The following OTOF variants were observed in gnomAD, a reference collection of about 807,000 sequenced individuals.
OTOF encodes the protein otoferlin, also known as fer-1-like family member 2.
Under a neutral mutation model 236.8 loss-of-function variants are expected in OTOF, and 218 were observed. The ratio of observed to expected loss-of-function variants is 0.92; its 90% CI spans 0.82 to 1.03. The LOEUF (loss-of-function observed/expected upper bound fraction) is 1.03. Among genes scored for constraint, OTOF ranks in the 50% least tolerant of loss-of-function variants. The pLI is 0.00. For synonymous variants in OTOF, 1,041 were observed against 1,072.5 expected (o/e 0.97, Z 0.57); for missense variants, 2,590 against 2,694.4 (o/e 0.96, Z 0.86).
At chr2:26,508,230 T>C (rs942410412) in intron 5 of OTOF, among the ~76,000 whole-genome samples, 4 of 152,214 alleles carry the variant, frequency 2.6e-5, no homozygotes, top group African/African-American at 9.6e-5. Flanking sequence ...CTGTGGTCCT[T>C]CTTTGCATTG....
chr2:26,496,237 C>CTT (rs397939432), intron 8 of OTOF, among the ~76,000 whole-genome samples: 1,939 of 140,360 alleles, frequency 0.014, 70 homozygotes, highest in African/African-American at 0.045. Context: ...TGATTAATGG[C>CTT]TTTTTTTTTT....
chr2:26,544,059 A>G (rs911743804), intron 1 of OTOF, among the ~76,000 whole-genome samples: 2 of 152,252 alleles, frequency 1.3e-5, no homozygotes, highest in Non-Finnish European at 2.9e-5. Context: ...TGCTAAATAT[A>G]AAAATGGCTT....
Position 26,501,740 on chromosome 2 carries a change from A to G in OTOF, c.765+14T>C. The G allele has an allele frequency of 1.9e-6, 3 of 1,602,298 alleles. No homozygotes were observed. The highest frequency in any genetic ancestry group is 2.6e-6 in the Non-Finnish European group (3 of 1,169,164). On this transcript the variant is annotated intron_variant, in intron 8 of 46. Coordinates refer to ENST00000272371, the MANE Select transcript of OTOF (RefSeq NM_194248.3). ...AGAGTCTGAAAGACATGAGGCCTCC[A>G]GGTGCCCACCTACCTGGTAATCCAT...
intron 3 of OTOF, among the ~76,000 whole-genome samples, chr2:26,520,848 A>G (rs145872354): frequency 2.0e-4 from 31 of 152,296 alleles, no homozygotes; most frequent in African/African-American, 7.2e-4. Context: ...TTTTTGTTCT[A>G]AATCAGTGGT....
At chr2:26,518,870 T>C in intron 4 of OTOF, 140 bp downstream of exon 4, 1 of 716,414 alleles carries the variant, frequency 1.4e-6, no homozygotes. Flanking sequence ...CAGCAGAGTC[T>C]GACCTGAGTC....
At chr2:26,546,674 A>G (rs1363009437) in intron 1 of OTOF, among the ~76,000 whole-genome samples, 18 of 150,940 alleles carry the variant, frequency 1.2e-4, no homozygotes, top group Admixed American at 1.2e-3. Flanking sequence ...TCTATAGATC[A>G]TTTTGTGGAG....
At chr2:26,480,473 G>A (rs1248523875) in intron 15 of OTOF, among the ~76,000 whole-genome samples, 162 bp from the exon 16 acceptor site, 2 of 152,228 alleles carry the variant, frequency 1.3e-5, no homozygotes, top group Non-Finnish European at 2.9e-5. Context: ...CCCCCAGCCT[G>A]GATATCCATG....
intron 1 of OTOF, among the ~76,000 whole-genome samples, chr2:26,542,093 C>T (rs539221753): frequency 2.0e-5 from 3 of 152,242 alleles, no homozygotes; most frequent in Non-Finnish European, 4.4e-5. Flanking sequence ...CAAATGGAGA[C>T]GAGCTCAGTG....
At chr2:26,474,185 A>G in intron 26 of OTOF, 75 bp from the exon 27 acceptor site, 5 of 1,596,670 alleles carry the variant, frequency 3.1e-6, no homozygotes, top group Admixed American at 1.7e-5. Context: ...GTTGTTTGCC[A>G]TGATCTGGGG....
chr2:26,500,649 A>G (rs1666094827), intron 8 of OTOF, among the ~76,000 whole-genome samples: 1 of 152,230 alleles, frequency 6.6e-6, no homozygotes, highest in African/African-American at 2.4e-5. Flanking sequence ...GCTGTTTTTC[A>G]GGCACCTGGG....
chr2:26,509,892 G>A (rs1666340060), intron 5 of OTOF, among the ~76,000 whole-genome samples: 1 of 152,122 alleles, frequency 6.6e-6, no homozygotes, highest in Non-Finnish European at 1.5e-5. Flanking sequence ...CTCTGCCCCT[G>A]TTCTGAGACA....
At chr2:26,512,502 A>G (rs1666415997) in intron 5 of OTOF, among the ~76,000 whole-genome samples, 1 of 152,232 alleles carries the variant, frequency 6.6e-6, no homozygotes, top group Admixed American at 6.5e-5. Flanking sequence ...CTGCCATGCA[A>G]GGGTCTGGAA....
At chr2:26,521,428 C>T (rs144353209) in intron 3 of OTOF, among the ~76,000 whole-genome samples, 8 of 152,308 alleles carry the variant, frequency 5.3e-5, no homozygotes, top group Non-Finnish European at 1.0e-4. Flanking sequence ...CTCACAGAGG[C>T]GTCTGGTGCC....
At chr2:26,520,233 A>T (rs1208647903) in intron 3 of OTOF, among the ~76,000 whole-genome samples, 3 of 152,176 alleles carry the variant, frequency 2.0e-5, no homozygotes, top group Non-Finnish European at 2.9e-5. Context: ...GAGAGCTGGA[A>T]GGGACCTTGG....
intron 30 of OTOF, among the ~76,000 whole-genome samples, chr2:26,471,791 A>G (rs1325911715): frequency 6.6e-6 from 1 of 152,184 alleles, no homozygotes; most frequent in Non-Finnish European, 1.5e-5. Flanking sequence ...GCAAGCATGC[A>G]TGCACACATA....
intron 5 of OTOF, among the ~76,000 whole-genome samples, chr2:26,505,406 G>A (rs1392340732): frequency 2.2e-5 from 3 of 133,826 alleles, no homozygotes; most frequent in Admixed American, 7.5e-5. Context: ...GATGGGGGAG[G>A]TGAGTTACAC....
chr2:26,542,435 G>A (rs974909531), intron 1 of OTOF, among the ~76,000 whole-genome samples: 3 of 152,138 alleles, frequency 2.0e-5, no homozygotes, highest in African/African-American at 4.8e-5. Flanking sequence ...AAATTCTGCC[G>A]ATGATACAAG....
chr2:26,482,657 G>T, intron 13 of OTOF, 65 bp from the exon 14 acceptor site: 1 of 1,405,348 alleles, frequency 7.1e-7, no homozygotes, highest in Non-Finnish European at 1.0e-6. Flanking sequence ...ATGTGTGTGT[G>T]TGTGAGTGGG....
intron 4 of OTOF, among the ~76,000 whole-genome samples, chr2:26,517,924 G>A (rs1432730438): frequency 1.3e-5 from 2 of 152,140 alleles, no homozygotes; most frequent in African/African-American, 4.8e-5. Context: ...TCTTCATCCA[G>A]GTTTCTGTGT....
Sources: gnomAD v4.1 joint callset for allele counts (sites outside exome capture counted in the v4.1 genomes callset) on GRCh38, gnomAD v4.1.1 for gene constraint, MANE v1.5 for transcripts, NCBI Gene and HGNC (gene_info 2026-07-23, HGNC 2026-07-21) for gene names.